WDR59: variants seen among roughly 807,000 people sequenced by gnomAD.
WDR59 encodes the protein GATOR2 complex protein WDR59.
Under a neutral mutation model 131.2 loss-of-function variants are expected in WDR59, and 100 were observed. The observed-to-expected ratio is 0.76, with a 90% CI of 0.65 to 0.90. WDR59 has a LOEUF of 0.90. WDR59 is among the 40% of genes least tolerant of loss of function. The pLI is 0.00. For missense variants in WDR59, 1,203 were observed against 1,262.2 expected, an observed-to-expected ratio of 0.95 and a Z score of 0.71; for synonymous variants, 601 against 466.2, an observed-to-expected ratio of 1.29 and a Z score of -3.72.
chr16:74,954,001 C>CAA (rs71378722), intron 3 of WDR59, among the ~76,000 whole-genome samples: 28 of 131,464 alleles, frequency 2.1e-4, no homozygotes, highest in East Asian at 4.2e-4. Flanking sequence ...GACTCCGTCT[C>CAA]AAAAAAAAAA....
At chr16:74,980,970 T>TA (rs2034380206) in intron 1 of WDR59, among the ~76,000 whole-genome samples, 2 of 145,428 alleles carry the variant, frequency 1.4e-5, no homozygotes, top group South Asian at 2.2e-4. Flanking sequence ...ATCTCAAAAA[T>TA]AAAAAAATAT....
At chr16:74,968,105 A>G (rs979387492) in intron 1 of WDR59, among the ~76,000 whole-genome samples, 5 of 152,192 alleles carry the variant, frequency 3.3e-5, no homozygotes, top group African/African-American at 1.2e-4. Context: ...AACAAAAAGT[A>G]GAATGGAGGT....
At chr16:74,950,328 AAAACAAACAAAC>A (rs377750138) in intron 4 of WDR59, among the ~76,000 whole-genome samples, 23 of 152,096 alleles carry the variant, frequency 1.5e-4, no homozygotes, top group African/African-American at 5.3e-4. Context: ...ACTCCATCTC[AAAACAAACAAAC>A]AAACAAACAA....
chr16:74,879,148 T>C (rs1255982509), intron 25 of WDR59, among the ~76,000 whole-genome samples: 2 of 151,846 alleles, frequency 1.3e-5, no homozygotes, highest in African/African-American at 4.8e-5. Context: ...AGCCCAGGAG[T>C]TGGAGACCAG....
intron 17 of WDR59, among the ~76,000 whole-genome samples, chr16:74,904,955 A>G (rs1276017574): frequency 1.3e-5 from 2 of 152,258 alleles, no homozygotes; most frequent in Non-Finnish European, 2.9e-5. Flanking sequence ...CTACAAAATA[A>G]AACGAACTTT....
Position 74,977,115 on chromosome 16 carries a change from AG to A in WDR59, c.54+7848del, listed in dbSNP as rs2145241522. Reference sequence around the variant, plus strand: ...GCTGGGAGTGGTAACTCACAAATACAGACACAGTTACTTGGGAGGCAGAACC... The same window carrying A: ...GCTGGGAGTGGTAACTCACAAATACAACACAGTTACTTGGGAGGCAGAACC... On this transcript the variant is annotated intron_variant, in intron 1 of 25. Coordinates refer to ENST00000262144, the MANE Select transcript of WDR59 (RefSeq NM_030581.4). Among the ~76,000 whole-genome samples, 3 of 152,266 alleles carry A rather than the reference AG, an allele frequency of 2.0e-5. No homozygotes were observed. In the South Asian group the frequency reaches 6.2e-4, roughly 32 times the overall value.
intron 1 of WDR59, among the ~76,000 whole-genome samples, chr16:74,976,732 A>T (rs572985338): frequency 8.5e-5 from 13 of 152,276 alleles, no homozygotes; most frequent in Non-Finnish European, 1.5e-4. Context: ...TGAGCGACCA[A>T]GCCCGGCCTA....
Position 74,942,845 on chromosome 16 carries a change from G to C in WDR59, c.446-19C>G. On this transcript the variant is annotated intron_variant, in intron 6 of 25. Coordinates refer to ENST00000262144, the MANE Select transcript of WDR59 (RefSeq NM_030581.4). The stretch of plus-strand genomic sequence containing the variant: ...GCACCCGCTGCAAAGAAAAATCAGG[G>C]AAGAAAGCTGCTGCCCTTGGTGCTT... 6.2e-7 allele frequency: 1 copy of C among 1,611,308 alleles called. No individual in the cohort carries two copies. The highest frequency in any genetic ancestry group is 8.5e-7 in the Non-Finnish European group (1 of 1,178,016).
chr16:74,920,074 A>C lies in WDR59; in HGVS notation c.886+1873T>G, dbSNP rs574149248. 6.3e-3 allele frequency among the ~76,000 whole-genome samples: 959 copies of C among 151,984 alleles called. 9 individuals carry two copies. The highest frequency in any genetic ancestry group is 0.022 in the African/African-American group (905 of 41,512). ...ACAGAGCGAGACCCTATCTCAAAAA[A>C]AAAAAAAAAAAAAATTGATGTCGAA... On this transcript the variant is annotated intron_variant, in intron 10 of 25. Transcript: ENST00000262144.
intron 18 of WDR59, among the ~76,000 whole-genome samples, chr16:74,896,352 A>C (rs61333776): frequency 6.6e-6 from 1 of 152,082 alleles, no homozygotes; most frequent in East Asian, 1.9e-4. Flanking sequence ...ACCATGGGCC[A>C]AGTGCAGTGG....
At chr16:74,937,262 T>A (rs2031878677) in intron 8 of WDR59, among the ~76,000 whole-genome samples, 1 of 152,124 alleles carries the variant, frequency 6.6e-6, no homozygotes. Context: ...ACACATAAAA[T>A]CTTGAGCATT....
chr16:74,984,673 A>C, intron 1 of WDR59: 1 of 406,708 alleles, frequency 2.5e-6, no homozygotes, highest in Non-Finnish European at 4.5e-6. Flanking sequence ...GATTGTGGGA[A>C]GCCTCCCCTC....
chr16:74,974,071 G>A (rs2034091529), intron 1 of WDR59, among the ~76,000 whole-genome samples: 1 of 152,188 alleles, frequency 6.6e-6, no homozygotes, highest in Non-Finnish European at 1.5e-5. Context: ...TCAGGAGGCT[G>A]AGGCAGGAGA....
chr16:74,947,986 C>T lies in WDR59; in HGVS notation c.445+533G>A, dbSNP rs562088139. ...TTGGGAGACTGAGGGAGGAGAATTG[C>T]TTGAACCTGGGAAGCAGAGGCTGCA... On this transcript the variant is annotated intron_variant, in intron 6 of 25. Transcript: ENST00000262144. Among the ~76,000 whole-genome samples the T allele has an allele frequency of 2.6e-4, 40 of 152,168 alleles. 1 individual carries two copies. Among genetic ancestry groups the T allele is most frequent in the African/African-American group, 8.9e-4 (37 of 41,526 alleles).
At chr16:74,954,478 T>C (rs1448537635) in intron 3 of WDR59, among the ~76,000 whole-genome samples, 2 of 152,100 alleles carry the variant, frequency 1.3e-5, no homozygotes, top group African/African-American at 4.8e-5. Flanking sequence ...ATGGCTATAA[T>C]TTTTTTAAAA....
intron 1 of WDR59, among the ~76,000 whole-genome samples, chr16:74,981,637 TA>T (rs1567450650): frequency 0.3 from 9,328 of 31,450 alleles, 1,581 homozygotes; most frequent in East Asian, 0.44. Context: ...TATATATATA[TA>T]TATATATATA....
chr16:74,950,432 C>T (rs2032926864), intron 4 of WDR59, among the ~76,000 whole-genome samples: 1 of 152,176 alleles, frequency 6.6e-6, no homozygotes, highest in South Asian at 2.1e-4. Flanking sequence ...AATCAAATTC[C>T]ACCAGAGGCA....
intron 25 of WDR59, among the ~76,000 whole-genome samples, chr16:74,877,331 A>G (rs970214410): frequency 8.5e-5 from 13 of 152,198 alleles, no homozygotes; most frequent in Admixed American, 1.3e-4. Flanking sequence ...CAACAATTCC[A>G]AAGAAAACTG....
chr16:74,893,399 C>T (rs1345243759), intron 19 of WDR59, among the ~76,000 whole-genome samples: 8 of 152,076 alleles, frequency 5.3e-5, no homozygotes, highest in Admixed American at 4.6e-4. Context: ...TCGGATGAGA[C>T]CACTGCCTGG....
Sources: gnomAD v4.1 joint callset for allele counts (sites outside exome capture counted in the v4.1 genomes callset) on GRCh38, gnomAD v4.1.1 for gene constraint, MANE v1.5 for transcripts, NCBI Gene and HGNC (gene_info 2026-07-23, HGNC 2026-07-21) for gene names.